SLAIN2: variants seen among roughly 807,000 people sequenced by gnomAD.
The protein encoded by SLAIN2 is SLAIN motif-containing protein 2.
A neutral mutation model predicts 56.6 loss-of-function variants in SLAIN2; 31 were observed. The observed-to-expected ratio is 0.55, with a 90% confidence interval of 0.41 to 0.74. The LOEUF (loss-of-function observed/expected upper bound fraction) is 0.74, where lower values mean the gene tolerates loss of function less well. SLAIN2 is among the 30% of genes least tolerant of loss of function. The pLI is 0.00. For synonymous variants in SLAIN2, 317 were observed against 284.9 expected (o/e 1.11, Z -1.13); for missense variants, 777 against 754.2 (o/e 1.03, Z -0.35).
chr4:48,343,236 G>A (rs565018642), intron 1 of SLAIN2, among the ~76,000 whole-genome samples: 1 of 152,162 alleles, frequency 6.6e-6, no homozygotes, highest in Admixed American at 6.5e-5. Context: ...ATGACCTTGA[G>A]CAAGTTACTC....
At chr4:48,409,669 A>AG (rs1716794805) in intron 6 of SLAIN2, among the ~76,000 whole-genome samples, 1 of 152,080 alleles carries the variant, frequency 6.6e-6, no homozygotes, top group Admixed American at 6.5e-5. Flanking sequence ...AGATCACCTG[A>AG]GGTCAGGAGT....
intron 6 of SLAIN2, among the ~76,000 whole-genome samples, chr4:48,418,869 T>C (rs1288351370): frequency 2.0e-5 from 3 of 152,094 alleles, no homozygotes; most frequent in African/African-American, 7.2e-5. Flanking sequence ...TGTGTGTATG[T>C]ACACACGGAC....
At chr4:48,399,729 T>C (rs1716497190) in intron 6 of SLAIN2, among the ~76,000 whole-genome samples, 1 of 152,252 alleles carries the variant, frequency 6.6e-6, no homozygotes, top group Non-Finnish European at 1.5e-5. Flanking sequence ...TTGAATTTTA[T>C]TGAAGACCTT....
At position 48,341,633 on chromosome 4, in the gene SLAIN2, G is replaced by C. The variant is rs569778728; in HGVS notation, c.-107G>C. The stretch of plus-strand genomic sequence containing the variant: ...GTGGGGCCTGGTCCTGCTATATGCC[G>C]GCGCCTCGGCTAGAGTGAGCGGCGG... On this transcript the variant is annotated 5_prime_UTR_variant, in exon 1 of 8. Coordinates refer to ENST00000264313, the MANE Select transcript of SLAIN2 (RefSeq NM_020846.2). 8.9e-5 allele frequency: 128 copies of C among 1,437,844 alleles called. No individual in the cohort carries two copies. In the African/African-American group the frequency reaches 1.7e-3, roughly 20 times the overall value. The allele number at this position is 1,437,844 out of a possible 1,614,324, so 89.1% of individuals were successfully genotyped here. A position where few individuals can be genotyped will look rare whatever the true frequency, so the allele number is the denominator to read the frequency against.
chr4:48,360,334 G>A (rs1254030113), intron 1 of SLAIN2, among the ~76,000 whole-genome samples: 1 of 152,032 alleles, frequency 6.6e-6, no homozygotes, highest in Non-Finnish European at 1.5e-5. Flanking sequence ...GCTCATGCTT[G>A]TAATCCCAGC....
At chr4:48,414,782 C>T (rs1716956709) in intron 6 of SLAIN2, among the ~76,000 whole-genome samples, 1 of 90,232 alleles carries the variant, frequency 1.1e-5, no homozygotes, top group African/African-American at 4.5e-5. Context: ...TTGTTCAATT[C>T]CCACCTATGA....
intron 1 of SLAIN2, among the ~76,000 whole-genome samples, chr4:48,362,123 T>C (rs2059215334): frequency 6.6e-6 from 1 of 152,114 alleles, no homozygotes; most frequent in Admixed American, 6.5e-5. Context: ...TTCTTTCTTT[T>C]CAATCAGGAT....
At chr4:48,398,054 T>A (rs1716454302) in intron 6 of SLAIN2, among the ~76,000 whole-genome samples, 1 of 152,224 alleles carries the variant, frequency 6.6e-6, no homozygotes, top group Non-Finnish European at 1.5e-5. Context: ...CAAAAGGTAT[T>A]TCTGCTTTTA....
chr4:48,403,319 G>C (rs1268161724), intron 6 of SLAIN2, among the ~76,000 whole-genome samples: 2 of 152,210 alleles, frequency 1.3e-5, no homozygotes, highest in Non-Finnish European at 2.9e-5. Context: ...TGGAAAGGCT[G>C]TTGGCTGAAC....
Position 48,422,161 on chromosome 4 carries a change from TC to T in SLAIN2, c.*85del. The T allele has an allele frequency of 1.0e-6, 1 of 1,000,240 alleles. No homozygotes were observed. The highest frequency in any genetic ancestry group is 1.5e-6 in the Non-Finnish European group (1 of 648,154). 62.0% of individuals were successfully genotyped at this position (1,000,240 alleles called of 1,614,324 possible). ...AAAACAACTTTTATATGCAGACTGT[TC>T]AGATAAGACTCTTGGGATTTATAAA... On this transcript the variant is annotated 3_prime_UTR_variant, in exon 8 of 8. Transcript: ENST00000264313.
At chr4:48,367,564 A>G (rs1370356822) in intron 1 of SLAIN2, among the ~76,000 whole-genome samples, 2 of 152,142 alleles carry the variant, frequency 1.3e-5, no homozygotes, top group Non-Finnish European at 2.9e-5. Context: ...CTAAATTACA[A>G]ATTTTTAGTC....
At chr4:48,364,031 T>C (rs1323721793) in intron 1 of SLAIN2, among the ~76,000 whole-genome samples, 13 of 91,826 alleles carry the variant, frequency 1.4e-4, no homozygotes, top group East Asian at 3.3e-4. Context: ...CGCTCCTCAC[T>C]TCCCAGATGG....
At chr4:48,366,290 T>C (rs896772255) in intron 1 of SLAIN2, among the ~76,000 whole-genome samples, 1 of 152,172 alleles carries the variant, frequency 6.6e-6, no homozygotes, top group Non-Finnish European at 1.5e-5. Flanking sequence ...TTTCTGTTAC[T>C]GTTGGATGGA....
intron 2 of SLAIN2, among the ~76,000 whole-genome samples, chr4:48,374,853 A>G (rs1715762120): frequency 6.6e-6 from 1 of 152,224 alleles, no homozygotes; most frequent in South Asian, 2.1e-4. Context: ...AGCTTCTGCG[A>G]CAAGATGAAT....
chr4:48,419,558 C>T (rs1436622257), intron 6 of SLAIN2, among the ~76,000 whole-genome samples: 1 of 151,988 alleles, frequency 6.6e-6, no homozygotes, highest in Non-Finnish European at 1.5e-5. Context: ...GTCACCATGC[C>T]CAGCTGCCTT....
rs1717211590 is a variant in SLAIN2, at chr4:48,423,314, C to T, written c.*1237C>T. The stretch of plus-strand genomic sequence containing the variant: ...TACTACGTATGACTCTAACCTGATA[C>T]TTGCTCTCTAATGGCTCTTAATATA... On this transcript the variant is annotated 3_prime_UTR_variant, in exon 8 of 8. Coordinates refer to ENST00000264313, the MANE Select transcript of SLAIN2 (RefSeq NM_020846.2). The T allele has an allele frequency of 6.6e-6, 1 of 151,974 alleles. No homozygotes were observed. Among genetic ancestry groups the T allele is most frequent in the South Asian group, 2.1e-4 (1 of 4,812 alleles). The allele number at this position is 151,974 out of a possible 1,614,324, so 9.4% of individuals were successfully genotyped here.
At chr4:48,358,769 G>A (rs1715237318) in intron 1 of SLAIN2, among the ~76,000 whole-genome samples, 1 of 151,398 alleles carries the variant, frequency 6.6e-6, no homozygotes, top group East Asian at 1.9e-4. Context: ...CGTCCAGGCT[G>A]GAGTGCAATG....
At position 48,422,646 on chromosome 4, in the gene SLAIN2, G is replaced by A. The variant is rs974237469; in HGVS notation, c.*569G>A. The stretch of plus-strand genomic sequence containing the variant: ...AGAGATTAAAACATTCCTAAATTTA[G>A]CAGAATTTCAGAAATGATTTTTGCA... On this transcript the variant is annotated 3_prime_UTR_variant, in exon 8 of 8. Coordinates refer to ENST00000264313, the MANE Select transcript of SLAIN2 (RefSeq NM_020846.2). 9.9e-5 allele frequency: 15 copies of A among 152,218 alleles called. No homozygotes were observed. The highest frequency in any genetic ancestry group is 3.4e-4 in the African/African-American group (14 of 41,448). The allele number at this position is 152,218 out of a possible 1,614,324, so 9.4% of individuals were successfully genotyped here. A position where few individuals can be genotyped will look rare whatever the true frequency, so the allele number is the denominator to read the frequency against.
At chr4:48,357,521 A>G (rs778754194) in intron 1 of SLAIN2, among the ~76,000 whole-genome samples, 1 of 151,716 alleles carries the variant, frequency 6.6e-6, no homozygotes, top group African/African-American at 2.4e-5. Flanking sequence ...AGCTGGGACT[A>G]TAGGCACCTG....
Sources: allele counts gnomAD v4.1 joint callset (sites outside exome capture counted in the v4.1 genomes callset), GRCh38; gene constraint gnomAD v4.1.1; transcripts MANE v1.5; gene names NCBI Gene and HGNC (gene_info 2026-07-23, HGNC 2026-07-21).